MYH11: variants seen among roughly 807,000 people sequenced by gnomAD.
MYH11 encodes the protein myosin heavy chain 11, also known as myosin-11.
In MYH11, 80 loss-of-function variants were observed where a neutral mutation model predicts 246.6. That is an observed-to-expected ratio of 0.32 (90% CI 0.27 to 0.39). The LOEUF (loss-of-function observed/expected upper bound fraction) is 0.39. Ranked by LOEUF, MYH11 falls within the 10% of genes least tolerant of loss-of-function variation. The pLI, the probability that MYH11 is intolerant of heterozygous loss-of-function variation, is 1.00. For missense variants in MYH11, 2,158 were observed against 2,546.8 expected, an observed-to-expected ratio of 0.85 and a Z score of 3.29; for synonymous variants, 1,071 against 1,015.5, an observed-to-expected ratio of 1.05 and a Z score of -1.04.
chr16:15,723,248 T>A (rs1047409524), intron 31 of MYH11, among the ~76,000 whole-genome samples: 4 of 152,186 alleles, frequency 2.6e-5, no homozygotes, highest in African/African-American at 9.7e-5. Context: ...AAACTCTAAT[T>A]AATATGCAAT....
intron 2 of MYH11, 66 bp from the exon 3 acceptor site, chr16:15,823,477 T>A: frequency 6.3e-7 from 1 of 1,586,902 alleles, no homozygotes; most frequent in Non-Finnish European, 8.7e-7. Context: ...ACAGAAGCAC[T>A]CAATATTCTC....
chr16:15,718,404 C>A lies in MYH11; in HGVS notation c.5206G>T (p.Ala1736Ser). Residue 1736 changes from alanine to serine, a missense_variant, in exon 37 of 41, where the codon GCC becomes TCC. Transcript: ENST00000300036. Reference sequence around the variant, plus strand: ...TCCTCCTCCAGCTGGGCGATCCGGGCCTCCAGGCGGCGCTTCTCGTCCTGG... The same window carrying A: ...TCCTCCTCCAGCTGGGCGATCCGGGACTCCAGGCGGCGCTTCTCGTCCTGG... The part of the protein sequence containing the change: ...ALQDEKRRLE[A>S]RIAQLEEELE... 6.3e-7 allele frequency: 1 copy of A among 1,593,074 alleles called. No individual in the cohort carries two copies. Among genetic ancestry groups the A allele is most frequent in the East Asian group, 2.2e-5 (1 of 44,582 alleles).
intron 27 of MYH11, among the ~76,000 whole-genome samples, chr16:15,729,585 C>T: frequency 6.7e-6 from 1 of 149,370 alleles, no homozygotes; most frequent in Non-Finnish European, 1.5e-5. Flanking sequence ...GAGTCTCACT[C>T]TGTTGCCCAG....
At chr16:15,786,523 G>T in intron 5 of MYH11, 107 bp downstream of exon 5, 1 of 1,093,568 alleles carries the variant, frequency 9.1e-7, no homozygotes, top group Non-Finnish European at 1.4e-6. Context: ...GGGGTAGTCA[G>T]ATGGGGCCTG....
At chr16:15,771,435 C>T (rs2042097629) in intron 9 of MYH11, 134 bp downstream of exon 9, 5 of 703,378 alleles carry the variant, frequency 7.1e-6, no homozygotes, top group African/African-American at 2.0e-5. Flanking sequence ...CATTTTCCTC[C>T]TTTTTTTTTT....
intron 3 of MYH11, among the ~76,000 whole-genome samples, chr16:15,817,508 C>T (rs2043290521): frequency 6.7e-6 from 1 of 148,300 alleles, no homozygotes; most frequent in Non-Finnish European, 1.5e-5. Flanking sequence ...GAGACTCTGC[C>T]TCAAAAAAAA....
rs866838939 is a variant in MYH11 at position 15,724,553 on chromosome 16, C to T, written c.4116+94G>A. The T allele has an allele frequency of 1.6e-5, 25 of 1,607,862 alleles. No individual in the cohort carries two copies. In the Middle Eastern group the frequency reaches 6.6e-4, roughly 43 times the overall value. On this transcript the variant is annotated intron_variant, in intron 30 of 40. Coordinates refer to ENST00000300036, the MANE Select transcript of MYH11 (RefSeq NM_002474.3). ...GGGAAGCTGGGGGGTCAAGCACCATCGCACCAACACTCCACCGCGATCTGC... is the reference window on the plus strand; with the variant it reads ...GGGAAGCTGGGGGGTCAAGCACCATTGCACCAACACTCCACCGCGATCTGC...
intron 15 of MYH11, among the ~76,000 whole-genome samples, chr16:15,752,509 A>G (rs1357885465): frequency 6.6e-6 from 1 of 152,090 alleles, no homozygotes; most frequent in East Asian, 1.9e-4. Flanking sequence ...GAATGTTTTC[A>G]GGCCCGCCCC....
chr16:15,821,874 C>T (rs542447726), intron 3 of MYH11, among the ~76,000 whole-genome samples: 1 of 114,440 alleles, frequency 8.7e-6, no homozygotes, highest in African/African-American at 3.2e-5. Context: ...GCCGAGATTG[C>T]GCCACTGCAG....
At chr16:15,828,092 T>C (rs1202419327) in intron 2 of MYH11, among the ~76,000 whole-genome samples, 1 of 152,084 alleles carries the variant, frequency 6.6e-6, no homozygotes, top group Non-Finnish European at 1.5e-5. Flanking sequence ...CAGAACTGGG[T>C]ATGGGGTACT....
At chr16:15,760,185 G>A (rs1412661418) in intron 11 of MYH11, among the ~76,000 whole-genome samples, 1 of 151,984 alleles carries the variant, frequency 6.6e-6, no homozygotes, top group Non-Finnish European at 1.5e-5. Context: ...GAGATGGATG[G>A]GTGGATGCAT....
intron 15 of MYH11, among the ~76,000 whole-genome samples, chr16:15,752,393 C>G (rs532125785): frequency 2.4e-4 from 36 of 151,990 alleles, no homozygotes; most frequent in Non-Finnish European, 4.7e-4. Context: ...ACAGCAAACC[C>G]CCTCCCCTCA....
At chr16:15,754,540 T>G (rs2041661672) in intron 14 of MYH11, among the ~76,000 whole-genome samples, 1 of 152,202 alleles carries the variant, frequency 6.6e-6, no homozygotes, top group Non-Finnish European at 1.5e-5. Flanking sequence ...AAGAAAAGTG[T>G]TGTCTCTATA....
chr16:15,704,354 C>T (rs912229632), intron 40 of MYH11, among the ~76,000 whole-genome samples: 13 of 151,988 alleles, frequency 8.6e-5, no homozygotes, highest in African/African-American at 2.9e-4. Context: ...AAATTGGTTG[C>T]GGGGGTGGGT....
rs1251694902 is a variant in MYH11 at position 15,732,636 on chromosome 16, C to G, written c.3579G>C (p.Gln1193His). Residue 1193 changes from glutamine to histidine, a missense_variant, in exon 27 of 41, where the codon CAG becomes CAC. By Grantham distance (24) the Gln-to-His change is conservative. Coordinates refer to ENST00000300036, the MANE Select transcript of MYH11 (RefSeq NM_002474.3). ...CGTGTTTCTGCCTCATCTCCTGGAC[C>G]TGAGCCTCATGGGACCGCGTCTCTT... is the stretch of plus-strand genomic sequence containing the variant. The part of the protein sequence containing the change: ...LDEETRSHEA[Q>H]VQEMRQKHAQ... 1.2e-6 allele frequency: 2 copies of G among 1,614,256 alleles called. No individual in the cohort carries two copies. The highest frequency in any genetic ancestry group is 1.7e-6 in the Non-Finnish European group (2 of 1,180,054).
intron 38 of MYH11, 144 bp from the exon 39 acceptor site, chr16:15,715,416 T>A: frequency 1.3e-6 from 1 of 754,558 alleles, no homozygotes; most frequent in Non-Finnish European, 2.3e-6. Flanking sequence ...GGTGGAATAG[T>A]ATTCAGCCAT....
At chr16:15,734,610 TTA>T (rs1394225186) in intron 26 of MYH11, among the ~76,000 whole-genome samples, 2 of 152,200 alleles carry the variant, frequency 1.3e-5, no homozygotes, top group Admixed American at 1.3e-4. Flanking sequence ...TGATTTTTTT[TTA>T]TGTCTGCTTT....
intron 1 of MYH11, among the ~76,000 whole-genome samples, chr16:15,856,221 T>G (rs35309286): frequency 0.18 from 26,123 of 145,438 alleles, 2,846 homozygotes; most frequent in East Asian, 0.42. Context: ...GGTGAGTTGT[T>G]TTTTTTTTTT....
At chr16:15,778,680 C>A in intron 7 of MYH11, 100 bp downstream of exon 7, 1 of 1,174,112 alleles carries the variant, frequency 8.5e-7, no homozygotes, top group Non-Finnish European at 1.3e-6. Flanking sequence ...ACCTAAGAGG[C>A]TGGAAAGATA....
Sources: allele counts gnomAD v4.1 joint callset (sites outside exome capture counted in the v4.1 genomes callset), GRCh38; gene constraint gnomAD v4.1.1; transcripts MANE v1.5; gene names NCBI Gene and HGNC (gene_info 2026-07-23, HGNC 2026-07-21).